ANK3: variants seen among roughly 807,000 people sequenced by gnomAD.
ANK3 encodes ankyrin 3, also known as ankyrin-3.
ANK3 carries 57 observed loss-of-function variants against 370.9 expected under a neutral mutation model. The ratio of observed to expected loss-of-function variants is 0.15; its 90% CI spans 0.12 to 0.19. The LOEUF (loss-of-function observed/expected upper bound fraction) is 0.19. ANK3 is among the 10% of genes least tolerant of loss of function. The pLI, the probability that ANK3 is intolerant of heterozygous loss-of-function variation, is 1.00. For missense variants in ANK3, 4,439 were observed against 5,302.1 expected, an observed-to-expected ratio of 0.84 and a Z score of 5.06; for synonymous variants, 1,929 against 1,946.3, an observed-to-expected ratio of 0.99 and a Z score of 0.23.
intron 2 of ANK3, among the ~76,000 whole-genome samples, chr10:60,487,385 G>C (rs1440944855): frequency 1.3e-5 from 2 of 152,142 alleles, no homozygotes; most frequent in Non-Finnish European, 2.9e-5. Context: ...TCTTCATTAA[G>C]CAAACACTAA....
intron 10 of ANK3, 68 bp downstream of exon 10, chr10:60,207,967 CT>C: frequency 2.2e-6 from 3 of 1,369,224 alleles, no homozygotes; most frequent in Non-Finnish European, 3.1e-6. Context: ...AAAGCATTCC[CT>C]TCACATACAG....
intron 4 of ANK3, among the ~76,000 whole-genome samples, chr10:60,270,685 A>G (rs1380831240): frequency 6.6e-6 from 1 of 152,352 alleles, no homozygotes; most frequent in South Asian, 2.1e-4. Context: ...ACACAAAAGT[A>G]TCTGAACTAG....
At chr10:60,238,759 A>G (rs185965903) in intron 7 of ANK3, among the ~76,000 whole-genome samples, 22 of 152,284 alleles carry the variant, frequency 1.4e-4, no homozygotes, top group Admixed American at 1.1e-3. Flanking sequence ...ATGTAAACTC[A>G]GCTCAACTCC....
chr10:60,547,412 GT>G (rs1314984833), intron 2 of ANK3, among the ~76,000 whole-genome samples: 1 of 150,828 alleles, frequency 6.6e-6, no homozygotes, highest in African/African-American at 2.4e-5. Flanking sequence ...TCTTTTCTTT[GT>G]TTTTTTAAGA....
intron 1 of ANK3, among the ~76,000 whole-genome samples, chr10:60,672,045 A>G (rs143575830): frequency 4.1e-4 from 62 of 152,358 alleles, no homozygotes; most frequent in African/African-American, 1.4e-3. Context: ...GTGATATAAT[A>G]AATACTTATT....
At chr10:60,544,686 T>C (rs2076922026) in intron 2 of ANK3, among the ~76,000 whole-genome samples, 1 of 152,156 alleles carries the variant, frequency 6.6e-6, no homozygotes, top group Admixed American at 6.6e-5. Context: ...CAAAATAATG[T>C]AAAATTAGTA....
intron 1 of ANK3, among the ~76,000 whole-genome samples, chr10:60,716,305 C>G (rs2079787436): frequency 6.6e-6 from 1 of 151,998 alleles, no homozygotes; most frequent in Non-Finnish European, 1.5e-5. Flanking sequence ...TTGCTACAAT[C>G]AGAGTATTGC....
rs2094229473 is a variant in ANK3 at position 60,134,261 on chromosome 10, G to A, written c.2841+10C>T. 6.2e-7 allele frequency: 1 copy of A among 1,606,704 alleles called. No individual in the cohort carries two copies. The stretch of plus-strand genomic sequence containing the variant: ...TAATGGTCAAAGGCTATTTTGAAAA[G>A]AATGCATACCTGCTCTTTGGATGGC... On this transcript the variant is annotated intron_variant, in intron 25 of 43. Transcript: ENST00000280772.
intron 1 of ANK3, among the ~76,000 whole-genome samples, chr10:60,339,322 T>C (rs1490749214): frequency 6.6e-6 from 1 of 152,272 alleles, no homozygotes; most frequent in East Asian, 1.9e-4. Context: ...TAGAATCCTA[T>C]AACTCTTCTC....
intron 26 of ANK3, 55 bp from the exon 27 acceptor site, chr10:60,109,109 G>T: frequency 7.2e-7 from 1 of 1,385,410 alleles, no homozygotes; most frequent in Non-Finnish European, 1.0e-6. Flanking sequence ...TGTGCTCACA[G>T]CAAGTTTGGA....
chr10:60,625,680 A>C (rs2078399708), intron 1 of ANK3, among the ~76,000 whole-genome samples: 1 of 152,116 alleles, frequency 6.6e-6, no homozygotes, highest in Non-Finnish European at 1.5e-5. Flanking sequence ...TAATATCTAC[A>C]ATCTCATCCT....
chr10:60,297,274 C>A (rs1489325006), intron 1 of ANK3, among the ~76,000 whole-genome samples: 1 of 152,098 alleles, frequency 6.6e-6, no homozygotes, highest in African/African-American at 2.4e-5. Context: ...CATTCACTAC[C>A]CAACATTATT....
At chr10:60,230,513 G>A (rs761902852) in intron 8 of ANK3, among the ~76,000 whole-genome samples, 1 of 152,180 alleles carries the variant, frequency 6.6e-6, no homozygotes, top group Non-Finnish European at 1.5e-5. Context: ...AGGAACATGA[G>A]TTAACAAGCC....
chr10:60,461,180 G>A (rs2064874940), intron 2 of ANK3, among the ~76,000 whole-genome samples: 1 of 152,148 alleles, frequency 6.6e-6, no homozygotes, highest in Non-Finnish European at 1.5e-5. Context: ...AAAGGCCCTG[G>A]TTTCTGGTCC....
At chr10:60,038,485 T>C (rs2075518566) in intron 43 of ANK3, among the ~76,000 whole-genome samples, 1 of 152,106 alleles carries the variant, frequency 6.6e-6, no homozygotes, top group Non-Finnish European at 1.5e-5. Context: ...AAAGCAAAAA[T>C]TGACAAACTG....
chr10:60,214,636 T>C (rs182827718), intron 8 of ANK3, among the ~76,000 whole-genome samples: 1 of 152,246 alleles, frequency 6.6e-6, no homozygotes, highest in East Asian at 1.9e-4. Flanking sequence ...CCCGTGTTTG[T>C]TTGCTGAGGA....
intron 2 of ANK3, among the ~76,000 whole-genome samples, chr10:60,408,764 G>A (rs986300597): frequency 7.2e-5 from 11 of 152,084 alleles, no homozygotes; most frequent in African/African-American, 1.7e-4. Flanking sequence ...AAACGCTTCC[G>A]TCACTGGGCC....
chr10:60,071,888 C>T lies in ANK3; in HGVS notation c.8993G>A (p.Ser2998Asn). 1.9e-6 allele frequency: 3 copies of T among 1,614,052 alleles called. No individual in the cohort carries two copies. Among genetic ancestry groups the T allele is most frequent in the Non-Finnish European group, 2.5e-6 (3 of 1,179,982 alleles). Residue 2998 changes from serine (S) to asparagine (N), a missense_variant, in exon 37 of 44, where the codon AGC (serine) becomes AAC (asparagine). Physicochemically the swap from Ser to Asn is conservative, Grantham distance 46. Transcript: ENST00000280772. ...HELSQKLSQSSMSKETVETQH... is the reference protein window; with the variant it reads ...HELSQKLSQSNMSKETVETQH... ...TGTCTCAACTGTCTCTTTACTCATG[C>T]TTGACTGGGACAATTTTTGTGATAG...
chr10:60,378,851 T>C (rs2061162358), intron 1 of ANK3, among the ~76,000 whole-genome samples: 1 of 151,274 alleles, frequency 6.6e-6, no homozygotes, highest in Non-Finnish European at 1.5e-5. Flanking sequence ...AGAAACAAAC[T>C]TGATTATATC....
Sources: gnomAD v4.1 joint callset for allele counts (sites outside exome capture counted in the v4.1 genomes callset) on GRCh38, gnomAD v4.1.1 for gene constraint, MANE v1.5 for transcripts, NCBI Gene and HGNC (gene_info 2026-07-23, HGNC 2026-07-21) for gene names.